The following TENM1 variants were observed in gnomAD, a reference collection of about 807,000 sequenced individuals.
TENM1 encodes the protein teneurin-1.
In TENM1, 35 loss-of-function variants were observed where a neutral mutation model predicts 174.8. That is an observed-to-expected ratio of 0.20 (90% CI 0.15 to 0.27). TENM1 has a LOEUF of 0.27. TENM1 is among the 10% of genes least tolerant of loss of function. The pLI, the probability that TENM1 is intolerant of heterozygous loss-of-function variation, is 1.00. For missense variants in TENM1, 1,633 were observed against 2,130.1 expected (o/e 0.77, Z 4.59); for synonymous variants, 781 against 798.7 (o/e 0.98, Z 0.37).
At chrX:124,531,951 C>G (rs1230609055) in intron 15 of TENM1, among the ~76,000 whole-genome samples, 1 of 110,606 alleles carries the variant, frequency 9.0e-6, no homozygotes, top group Non-Finnish European at 1.9e-5. Flanking sequence ...TGAATGGAAA[C>G]AAGCTGAGAA....
intron 6 of TENM1, among the ~76,000 whole-genome samples, chrX:124,665,109 G>A (rs1217088990): frequency 1.8e-5 from 2 of 111,659 alleles, no homozygotes; most frequent in Non-Finnish European, 1.9e-5. Context: ...AGGCCGAGGC[G>A]GGCAGATCAC....
chrX:124,399,692 C>A (rs1023824919), intron 27 of TENM1, among the ~76,000 whole-genome samples: 2 of 111,989 alleles, frequency 1.8e-5, no homozygotes, highest in East Asian at 5.6e-4. Context: ...ATAGGCTAGG[C>A]ACGGTGACTC....
chrX:125,060,072 C>G, the TENM1 span, among the ~76,000 whole-genome samples: 1 of 108,957 alleles, frequency 9.2e-6, no homozygotes, highest in Non-Finnish European at 1.9e-5. Context: ...GGATCTCCAG[C>G]CTGCTGGTTT....
intron 11 of TENM1, among the ~76,000 whole-genome samples, chrX:124,571,616 A>T (rs2049055262): frequency 8.9e-6 from 1 of 112,035 alleles, no homozygotes; most frequent in African/African-American, 3.2e-5. Context: ...AAGGAAAAGA[A>T]AGAATACAAA....
Position 124,460,755 on chromosome X carries a change from A to G in TENM1, c.3950-7264T>C, listed in dbSNP as rs191112240. 8.4e-3 allele frequency among the ~76,000 whole-genome samples: 911 copies of G among 108,863 alleles called. 4 individuals carry two copies. The highest frequency in any genetic ancestry group is 0.019 in the Middle Eastern group (4 of 214). The allele number at this position is 108,863 out of a possible 115,157, so 94.5% of individuals were successfully genotyped here. ...GTAGAAGTTGAAAAAAAAAAAAAAG[A>G]AAATGCTAGTTTAACACAAGTTTGT... On this transcript the variant is annotated intron_variant, in intron 22 of 31. Transcript: ENST00000422452.
chrX:124,383,885 T>C, exon 30 of TENM1: 1 of 1,211,579 alleles, frequency 8.3e-7, no homozygotes, highest in Admixed American at 2.2e-5. Context: ...GATATCGCCA[T>C]AAGGTGTGTA....
At position 124,664,682 on chromosome X, in the gene TENM1, GT is replaced by G. The variant is rs1569375198; in HGVS notation, c.1168+7000del. ...CAATTCCCAAGAGTACTTGTGGGGT[GT>G]GTGTGTGTGTGTGTGTGTGTGTGTG... On this transcript the variant is annotated intron_variant, in intron 6 of 31. Coordinates refer to ENST00000422452, the Ensembl canonical transcript of TENM1. 6.7e-3 allele frequency among the ~76,000 whole-genome samples: 209 copies of G among 31,425 alleles called. 5 individuals carry two copies. The East Asian group carries it at 0.18, about 27-fold the overall frequency. 27.3% of individuals were successfully genotyped at this position (31,425 alleles called of 115,157 possible).
chrX:125,089,259 C>A, the TENM1 span, among the ~76,000 whole-genome samples: 1 of 111,746 alleles, frequency 8.9e-6, no homozygotes, highest in African/African-American at 3.3e-5. Flanking sequence ...ATTGGTAAAA[C>A]CAATTATTTT....
chrX:124,389,820 A>G (rs1395941314), intron 28 of TENM1, among the ~76,000 whole-genome samples: 1 of 112,393 alleles, frequency 8.9e-6, no homozygotes, highest in Non-Finnish European at 1.9e-5. Flanking sequence ...AATCAATTTT[A>G]TGACAAATGA....
At chrX:124,977,783 A>G in the TENM1 span, among the ~76,000 whole-genome samples, 9 of 110,623 alleles carry the variant, frequency 8.1e-5, no homozygotes, top group African/African-American at 3.0e-4. Context: ...TCCATATTGT[A>G]GTGTGTATCA....
chrX:125,170,962 C>T, the TENM1 span, among the ~76,000 whole-genome samples: 2 of 110,947 alleles, frequency 1.8e-5, no homozygotes, highest in South Asian at 3.8e-4. Context: ...TAGTATATTC[C>T]GAGACATAAG....
the TENM1 span, among the ~76,000 whole-genome samples, chrX:124,981,797 C>T: frequency 9.0e-6 from 1 of 110,663 alleles, no homozygotes; most frequent in African/African-American, 3.3e-5. Flanking sequence ...TAGGTTTATC[C>T]CTGGTTGGAG....
chrX:124,481,187 G>C (rs1487687149), intron 22 of TENM1, among the ~76,000 whole-genome samples: 2 of 112,347 alleles, frequency 1.8e-5, no homozygotes, highest in Non-Finnish European at 3.8e-5. Flanking sequence ...GAATGATTTA[G>C]ATAAATTAAT....
chrX:124,527,453 T>C (rs2048000209), intron 16 of TENM1, among the ~76,000 whole-genome samples: 2 of 110,647 alleles, frequency 1.8e-5, no homozygotes, highest in East Asian at 2.8e-4. Flanking sequence ...AACGGGGACT[T>C]TGAGAGAGCT....
At chrX:124,401,605 T>C (rs996695418) in intron 27 of TENM1, among the ~76,000 whole-genome samples, 4 of 112,330 alleles carry the variant, frequency 3.6e-5, no homozygotes, top group Non-Finnish European at 7.5e-5. Context: ...GGCATCAGCT[T>C]GTCCCTTGAA....
At chrX:124,377,836 G>A (rs991483990) in exon 32 of TENM1, 4 of 111,730 alleles carry the variant, frequency 3.6e-5, no homozygotes, top group African/African-American at 1.3e-4. Context: ...AAATGCAAAC[G>A]AATTGTTCTT....
At chrX:125,179,988 G>T in the TENM1 span, among the ~76,000 whole-genome samples, 2 of 101,407 alleles carry the variant, frequency 2.0e-5, no homozygotes, top group African/African-American at 7.2e-5. Context: ...CTACCACCTG[G>T]GTGGGCCCTC....
At chrX:124,833,020 A>G (rs1569458871) in intron 3 of TENM1, among the ~76,000 whole-genome samples, 1 of 112,344 alleles carries the variant, frequency 8.9e-6, no homozygotes, top group African/African-American at 3.2e-5. Flanking sequence ...TTAATAAAAA[A>G]TAACTAAAAA....
chrX:124,574,220 G>T (rs2049116881), intron 11 of TENM1, among the ~76,000 whole-genome samples: 1 of 111,482 alleles, frequency 9.0e-6, no homozygotes, highest in African/African-American at 3.2e-5. Flanking sequence ...CTTCTTTGTT[G>T]CATGCTGACA....
Sources: allele counts gnomAD v4.1 joint callset (sites outside exome capture counted in the v4.1 genomes callset), GRCh38; gene constraint gnomAD v4.1.1; transcripts MANE v1.5; gene names NCBI Gene and HGNC (gene_info 2026-07-23, HGNC 2026-07-21).